C12orf43: variants seen among roughly 807,000 people sequenced by gnomAD.
C12orf43 encodes the protein chromosome 12 open reading frame 43.
Under a neutral mutation model 20.6 loss-of-function variants are expected in C12orf43, and 15 were observed. The observed-to-expected ratio is 0.73, with a 90% CI of 0.49 to 1.12. The LOEUF (loss-of-function observed/expected upper bound fraction) is 1.12. Ranked by LOEUF, C12orf43 falls within the 50% of genes most tolerant of loss-of-function variation. C12orf43 has a pLI of 0.00. For missense variants in C12orf43, 334 were observed against 344.4 expected, an observed-to-expected ratio of 0.97 and a Z score of 0.24; for synonymous variants, 144 against 130.8, an observed-to-expected ratio of 1.10 and a Z score of -0.69.
intron 3 of C12orf43, chr12:121,007,008 A>C (rs1349122420): frequency 6.5e-6 from 1 of 153,018 alleles, no homozygotes; most frequent in Non-Finnish European, 1.5e-5. Context: ...GGCAAGAGGA[A>C]CAGAAAGACC....
rs1273605647 is a variant in C12orf43, at chr12:121,003,972, A to G, written c.*181T>C. The G allele has an allele frequency of 2.9e-6, 2 of 678,604 alleles. No individual in the cohort carries two copies. Among genetic ancestry groups the G allele is most frequent in the Non-Finnish European group, 5.1e-6 (2 of 392,794 alleles). The allele number at this position is 678,604 out of a possible 1,614,324, so 42.0% of individuals were successfully genotyped here. ...TGATTGGTCTTCTCACCCTACAGCCACTTTTTTGGCCCAACTCTCGAGCAA... is the reference window on the plus strand; with the variant it reads ...TGATTGGTCTTCTCACCCTACAGCCGCTTTTTTGGCCCAACTCTCGAGCAA... On this transcript the variant is annotated 3_prime_UTR_variant, in exon 6 of 6. Transcript: ENST00000288757.
intron 1 of C12orf43, 88 bp downstream of exon 1, chr12:121,016,242 A>G: frequency 6.3e-7 from 1 of 1,594,136 alleles, no homozygotes; most frequent in Non-Finnish European, 8.5e-7. Flanking sequence ...GCCGAGTCCC[A>G]GTGACTCTCT....
At position 121,006,346 on chromosome 12, in the gene C12orf43, T is replaced by C. The variant is rs1274468841; in HGVS notation, c.336A>G (p.Val112=). The change falls in exon 4 of 6, where the codon GTA becomes GTG. Residue 112 remains valine, a synonymous_variant. Transcript: ENST00000288757. ...CATCATCCTCCAAAGCGACTTTCTGTACCTTAGCTTTTGCTGGCTCCTTTG... is the reference window on the plus strand; with the variant it reads ...CATCATCCTCCAAAGCGACTTTCTGCACCTTAGCTTTTGCTGGCTCCTTTG... ...EAAKEPAKAK[V]QKVALEDDGF... 2 of 1,614,052 alleles carry C rather than the reference T, an allele frequency of 1.2e-6. No individual in the cohort carries two copies. The highest frequency in any genetic ancestry group is 1.7e-6 in the Non-Finnish European group (2 of 1,179,966).
chr12:121,001,910 T>C lies in C12orf43; in HGVS notation c.*2243A>G, dbSNP rs1877514695. The stretch of plus-strand genomic sequence containing the variant: ...TGACCTCCAGCTTTCCTGTATTTGT[T>C]CCCAAGAGCATCATGCCTCTGAGGC... On this transcript the variant is annotated 3_prime_UTR_variant, in exon 6 of 6. Coordinates refer to ENST00000288757, the MANE Select transcript of C12orf43 (RefSeq NM_022895.3). The C allele has an allele frequency of 1.9e-6, 1 of 514,430 alleles. No individual in the cohort carries two copies. The highest frequency in any genetic ancestry group is 1.9e-5 in the African/African-American group (1 of 53,338). 31.9% of individuals were successfully genotyped at this position (514,430 alleles called of 1,614,324 possible).
At chr12:121,015,790 A>G (rs1256947353) in intron 1 of C12orf43, among the ~76,000 whole-genome samples, 1 of 152,226 alleles carries the variant, frequency 6.6e-6, no homozygotes, top group African/African-American at 2.4e-5. Context: ...ACGGAAAGAG[A>G]TGCTAAAATT....
At chr12:121,011,439 A>G (rs999200511) in intron 1 of C12orf43, among the ~76,000 whole-genome samples, 1 of 148,172 alleles carries the variant, frequency 6.7e-6, no homozygotes, top group Non-Finnish European at 1.5e-5. Context: ...TATATAACTT[A>G]GTTATATATA....
At chr12:121,007,958 A>G (rs73214134) in intron 3 of C12orf43, among the ~76,000 whole-genome samples, 6,408 of 151,866 alleles carry the variant, frequency 0.042, 178 homozygotes, top group South Asian at 0.11. Context: ...GGATGTCACA[A>G]CTGGTGGGGT....
At position 121,000,984 on chromosome 12, in the gene C12orf43, T is replaced by A; in HGVS notation, c.*3169A>T. On this transcript the variant is annotated 3_prime_UTR_variant, in exon 6 of 6. Transcript: ENST00000288757. ...CAGGAGGTGTGGCCCTGCCTCCCCA[T>A]CCTGAGTACCCCTAGGGACAGGCAG... 1 of 1,590,030 alleles carries A rather than the reference T, an allele frequency of 6.3e-7. No homozygotes were observed. Among genetic ancestry groups the A allele is most frequent in the South Asian group, 1.1e-5 (1 of 90,206 alleles).
At chr12:121,012,524 G>A (rs963862275) in intron 1 of C12orf43, 1 of 701,920 alleles carries the variant, frequency 1.4e-6, no homozygotes, top group Non-Finnish European at 2.6e-6. Context: ...TTGATGTGGT[G>A]AGAAGTGGGT....
At chr12:121,013,505 C>T (rs985333709) in intron 1 of C12orf43, among the ~76,000 whole-genome samples, 99 of 152,316 alleles carry the variant, frequency 6.5e-4, no homozygotes, top group African/African-American at 2.4e-3. Context: ...CATCCCCTTC[C>T]TGGATTTGTA....
At position 121,014,684 on chromosome 12, in the gene C12orf43, C is replaced by A. The variant is rs1321631336; in HGVS notation, c.145+1646G>T. On this transcript the variant is annotated intron_variant, in intron 1 of 5. Coordinates refer to ENST00000288757, the MANE Select transcript of C12orf43 (RefSeq NM_022895.3). ...AAACCCCAAAAAACAAACAAACAAACAAAAAAAACTAGAAGCCGAGCACAG... is the reference window on the plus strand; with the variant it reads ...AAACCCCAAAAAACAAACAAACAAAAAAAAAAAACTAGAAGCCGAGCACAG... 4.6e-3 allele frequency among the ~76,000 whole-genome samples: 542 copies of A among 118,120 alleles called. 2 individuals are homozygous for A. Among genetic ancestry groups the A allele is most frequent in the African/African-American group, 0.015 (483 of 31,696 alleles). 77.5% of individuals were successfully genotyped at this position (118,120 alleles called of 152,430 possible).
Position 121,002,293 on chromosome 12 carries a change from G to T in C12orf43, c.*1860C>A. 1 of 443,722 alleles carries T rather than the reference G, an allele frequency of 2.3e-6. No homozygotes were observed. Among genetic ancestry groups the T allele is most frequent in the Non-Finnish European group, 4.3e-6 (1 of 234,042 alleles). The allele number at this position is 443,722 out of a possible 1,614,324, so 27.5% of individuals were successfully genotyped here. On this transcript the variant is annotated 3_prime_UTR_variant, in exon 6 of 6. Coordinates refer to ENST00000288757, the MANE Select transcript of C12orf43 (RefSeq NM_022895.3). ...CACCCTGAGGAGTCTGAGGTCCTGAGCACTGCCAGGAGGGACAAAGGAGCC... is the reference window on the plus strand; with the variant it reads ...CACCCTGAGGAGTCTGAGGTCCTGATCACTGCCAGGAGGGACAAAGGAGCC...
intron 1 of C12orf43, among the ~76,000 whole-genome samples, chr12:121,015,969 A>T: frequency 6.6e-6 from 1 of 152,196 alleles, no homozygotes; most frequent in East Asian, 1.9e-4. Flanking sequence ...GCTCTTGGCA[A>T]CAACCTCCAG....
In C12orf43 at chr12:121,004,565, T is replaced by A; in HGVS notation, c.453-76A>T. ...CAGAGCTGCCTCTCGCTGTCCTCCC[T>A]TGGTCCAGGTCACCAGAAGGTGGCC... On this transcript the variant is annotated intron_variant, in intron 5 of 5. Coordinates refer to ENST00000288757, the MANE Select transcript of C12orf43 (RefSeq NM_022895.3). This position sits in a 1 kb window ranked among gnomAD's most constrained non-coding sequence, Gnocchi z 5.6. 5 of 1,432,206 alleles carry A rather than the reference T, an allele frequency of 3.5e-6. No homozygotes were observed. Among genetic ancestry groups the A allele is most frequent in the Non-Finnish European group, 4.7e-6 (5 of 1,067,586 alleles). The allele number at this position is 1,432,206 out of a possible 1,614,324, so 88.7% of individuals were successfully genotyped here.
rs771856628 is a variant in C12orf43 at position 121,001,039 on chromosome 12, G to A, written c.*3114C>T. On this transcript the variant is annotated 3_prime_UTR_variant, in exon 6 of 6. Coordinates refer to ENST00000288757, the MANE Select transcript of C12orf43 (RefSeq NM_022895.3). ...GGTGGGTGTGGGTGCCTGGTGGGTGGCTAGCAGCCTTGTTTGCCTCTGCAG... is the reference window on the plus strand; with the variant it reads ...GGTGGGTGTGGGTGCCTGGTGGGTGACTAGCAGCCTTGTTTGCCTCTGCAG... The A allele has an allele frequency of 1.1e-5, 17 of 1,611,726 alleles. No homozygotes were observed. The African/African-American group carries it at 1.9e-4, about 18-fold the overall frequency.
chr12:121,004,082 A>G lies in C12orf43; in HGVS notation c.*71T>C, dbSNP rs1377542435. On this transcript the variant is annotated 3_prime_UTR_variant, in exon 6 of 6. Transcript: ENST00000288757. This position sits in a 1 kb window ranked among gnomAD's most constrained non-coding sequence, Gnocchi z 5.6. The stretch of plus-strand genomic sequence containing the variant: ...TTGGAGAGGGAGGTGGGGCTTGGAA[A>G]TGCCTTGTCCCCAGGGTGGGGGGGA... 1 of 1,528,474 alleles carries G rather than the reference A, an allele frequency of 6.5e-7. No homozygotes were observed. The highest frequency in any genetic ancestry group is 9.1e-7 in the Non-Finnish European group (1 of 1,102,780). 94.7% of individuals were successfully genotyped at this position (1,528,474 alleles called of 1,614,324 possible).
intron 3 of C12orf43, among the ~76,000 whole-genome samples, chr12:121,009,385 A>G (rs1267549912): frequency 6.6e-6 from 1 of 151,916 alleles, no homozygotes; most frequent in East Asian, 1.9e-4. Context: ...GAACCCAGGA[A>G]CTGGAGGTTG....
At chr12:121,016,182 G>T in intron 1 of C12orf43, 148 bp downstream of exon 1, 1 of 1,216,020 alleles carries the variant, frequency 8.2e-7, no homozygotes, top group Non-Finnish European at 1.2e-6. Flanking sequence ...ACCTGCCCAT[G>T]CTTTCAATCT....
intron 4 of C12orf43, 56 bp downstream of exon 4, chr12:121,006,265 C>T (rs1878012029): frequency 6.7e-7 from 1 of 1,482,362 alleles, no homozygotes; most frequent in African/African-American, 1.4e-5. Flanking sequence ...CGCCCACCTC[C>T]AGACACACAT....
Sources: gnomAD v4.1 joint callset for allele counts (sites outside exome capture counted in the v4.1 genomes callset) on GRCh38, gnomAD v4.1.1 for gene constraint, Gnocchi (gnomAD v3.1) non-coding constraint, MANE v1.5 for transcripts, NCBI Gene and HGNC (gene_info 2026-07-23, HGNC 2026-07-21) for gene names.